Variants in MYCBP2 observed in about 807,000 individuals in gnomAD.
MYCBP2 encodes the protein E3 ubiquitin-protein ligase MYCBP2.
In MYCBP2, 120 loss-of-function variants were observed where a neutral mutation model predicts 525.3. That is an observed-to-expected ratio of 0.23 (90% CI 0.20 to 0.27). MYCBP2 has a LOEUF of 0.27. Among genes scored for constraint, MYCBP2 ranks in the 10% least tolerant of loss-of-function variants. The pLI is 1.00. For synonymous variants in MYCBP2, 1,894 were observed against 1,955.8 expected (o/e 0.97, Z 0.83); for missense variants, 4,149 against 5,657.1 (o/e 0.73, Z 8.55).
chr13:77,169,563 A>T (rs1566791183), intron 39 of MYCBP2, 51 bp downstream of exon 39: 1 of 1,504,010 alleles, frequency 6.6e-7, no homozygotes, highest in Admixed American at 1.8e-5. Context: ...GTCTTTTTTT[A>T]AAAAAGATAT....
At position 77,212,048 on chromosome 13, in the gene MYCBP2, C is replaced by T. The variant is rs759345940; in HGVS notation, c.3170G>A (p.Ser1057Asn). 6.2e-7 allele frequency: 1 copy of T among 1,614,112 alleles called. No individual in the cohort carries two copies. The highest frequency in any genetic ancestry group is 8.5e-7 in the Non-Finnish European group (1 of 1,179,974). The change falls in exon 22 of 83, where the codon AGT (serine) becomes AAT (asparagine). Residue 1057 changes from serine (S) to asparagine (N), a missense_variant. By Grantham distance (46) the Ser-to-Asn change is conservative. Transcript: ENST00000544440. ...YGRKATWIGA[S>N]GDQTFLRIDE... ...AATTCGTAAAAAAGTTTGGTCCCCA[C>T]TTGCACCTATCCAAGTAGCTTTTCT...
In MYCBP2 at chr13:77,139,271, G is replaced by A. The variant is rs2054218340; in HGVS notation, c.7584C>T (p.Asn2528=). ...ACCAGGCTTCAGTGTAACCATTCAT[G>A]TTAGGGACATACTTCTTTATTGTCT... ...NDETIKKYVP[N]MNGYTEAWCL... is the part of the protein sequence containing the mutation. The change falls in exon 52 of 83, where the codon AAC becomes AAT. Residue 2528 remains asparagine (N), a synonymous_variant. Coordinates refer to ENST00000544440, the MANE Select transcript of MYCBP2 (RefSeq NM_015057.5). 1.2e-6 allele frequency: 2 copies of A among 1,613,774 alleles called. No individual in the cohort carries two copies. Among genetic ancestry groups the A allele is most frequent in the African/African-American group, 2.7e-5 (2 of 74,932 alleles).
chr13:77,290,136 C>T (rs979592672), intron 2 of MYCBP2, among the ~76,000 whole-genome samples: 4 of 152,162 alleles, frequency 2.6e-5, no homozygotes, highest in Non-Finnish European at 5.9e-5. Context: ...AGAATTTCAA[C>T]ATCATTAGCT....
chr13:77,271,617 C>G (rs2074908638), intron 5 of MYCBP2, among the ~76,000 whole-genome samples: 1 of 152,124 alleles, frequency 6.6e-6, no homozygotes, highest in African/African-American at 2.4e-5. Flanking sequence ...GCGAATAAGC[C>G]TCACGAGATC....
At chr13:77,072,282 C>A (rs1453198154) in intron 68 of MYCBP2, among the ~76,000 whole-genome samples, 3 of 130,718 alleles carry the variant, frequency 2.3e-5, no homozygotes, top group Admixed American at 8.4e-5. Context: ...CAGGGCAAGA[C>A]TCCATTTCAA....
chr13:77,306,049 A>G (rs2079376942), intron 1 of MYCBP2, among the ~76,000 whole-genome samples: 1 of 152,178 alleles, frequency 6.6e-6, no homozygotes, highest in Non-Finnish European at 1.5e-5. Flanking sequence ...AGTGATGCAA[A>G]TGAAATAAAA....
intron 46 of MYCBP2, among the ~76,000 whole-genome samples, chr13:77,154,598 C>G (rs1235975199): frequency 6.6e-6 from 1 of 151,946 alleles, no homozygotes; most frequent in African/African-American, 2.4e-5. Flanking sequence ...AGAAGCGTAA[C>G]AGTATGAACA....
At chr13:77,190,015 T>G (rs1595274036) in intron 29 of MYCBP2, among the ~76,000 whole-genome samples, 1 of 152,254 alleles carries the variant, frequency 6.6e-6, no homozygotes, top group South Asian at 2.1e-4. Context: ...GTTATTGGTA[T>G]AATACAGATA....
At chr13:77,102,839 A>C (rs1367521548) in intron 55 of MYCBP2, among the ~76,000 whole-genome samples, 1 of 151,932 alleles carries the variant, frequency 6.6e-6, no homozygotes, top group African/African-American at 2.4e-5. Flanking sequence ...TAAGACTAAA[A>C]AATGTGCTTT....
In MYCBP2 at chr13:77,278,923, G is replaced by A. The variant is rs1291515146; in HGVS notation, c.595-12C>T. 2 of 1,537,754 alleles carry A rather than the reference G, an allele frequency of 1.3e-6. No homozygotes were observed. Among genetic ancestry groups the A allele is most frequent in the Admixed American group, 2.1e-5 (1 of 47,274 alleles). ...CCAACCTCAATAATCTATTTAAAAG[G>A]AAAAAATATATATACTTTATGACAT... is the stretch of plus-strand genomic sequence containing the variant. On this transcript the variant is annotated splice_polypyrimidine_tract_variant and intron_variant, in intron 3 of 82. Coordinates refer to ENST00000544440, the MANE Select transcript of MYCBP2 (RefSeq NM_015057.5).
chr13:77,207,705 A>C (rs1218755128), intron 23 of MYCBP2, among the ~76,000 whole-genome samples: 10 of 152,192 alleles, frequency 6.6e-5, no homozygotes. Flanking sequence ...TAGTAGCATT[A>C]ATATTATTGC....
intron 55 of MYCBP2, 71 bp from the exon 56 acceptor site, chr13:77,099,084 C>A (rs2046672035): frequency 1.3e-6 from 2 of 1,556,886 alleles, no homozygotes; most frequent in Non-Finnish European, 8.6e-7. Flanking sequence ...CCACTAAACA[C>A]TGAAATAAAA....
chr13:77,073,593 GAA>G (rs1259615125), intron 68 of MYCBP2, among the ~76,000 whole-genome samples: 3 of 151,784 alleles, frequency 2.0e-5, no homozygotes, highest in Non-Finnish European at 2.9e-5. Flanking sequence ...GTTTAGAAAG[GAA>G]AAAACCCAAA....
chr13:77,126,081 C>G (rs1295399134), intron 53 of MYCBP2, among the ~76,000 whole-genome samples: 5 of 152,010 alleles, frequency 3.3e-5, no homozygotes, highest in Admixed American at 3.3e-4. Context: ...TGTGCAAATA[C>G]CAAACATTTA....
At chr13:77,073,687 T>A (rs917702327) in intron 68 of MYCBP2, among the ~76,000 whole-genome samples, 1 of 152,116 alleles carries the variant, frequency 6.6e-6, no homozygotes, top group Admixed American at 6.5e-5. Flanking sequence ...GAATTTAAGA[T>A]CACAGGGTAG....
At chr13:77,207,133 TAA>T (rs35941136) in intron 23 of MYCBP2, among the ~76,000 whole-genome samples, 1 of 152,092 alleles carries the variant, frequency 6.6e-6, no homozygotes, top group African/African-American at 2.4e-5. Flanking sequence ...AATACCCCAT[TAA>T]AAAAGTTTAA....
chr13:77,315,646 G>C (rs1474074475), intron 1 of MYCBP2, among the ~76,000 whole-genome samples: 1 of 152,142 alleles, frequency 6.6e-6, no homozygotes, highest in Non-Finnish European at 1.5e-5. Context: ...TGTAATCCCA[G>C]CACTTTCAGA....
At chr13:77,241,234 C>T (rs751829071) in intron 17 of MYCBP2, among the ~76,000 whole-genome samples, 1 of 152,038 alleles carries the variant, frequency 6.6e-6, no homozygotes, top group South Asian at 2.1e-4. Flanking sequence ...TATCAATGCA[C>T]GATTCAATGT....
At chr13:77,076,619 T>TG (rs1377696080) in intron 68 of MYCBP2, 132 bp downstream of exon 68, 6 of 571,266 alleles carry the variant, frequency 1.1e-5, no homozygotes, top group Non-Finnish European at 1.8e-5. Flanking sequence ...TCCTTCATCT[T>TG]TCTAAGAACA....
Sources: gnomAD v4.1 joint callset for allele counts (sites outside exome capture counted in the v4.1 genomes callset) on GRCh38, gnomAD v4.1.1 for gene constraint, MANE v1.5 for transcripts, NCBI Gene and HGNC (gene_info 2026-07-23, HGNC 2026-07-21) for gene names.